Variants in TPO observed in about 807,000 individuals in gnomAD.
TPO encodes thyroid microsomal antigen.
In TPO, 78 loss-of-function variants were observed where a neutral mutation model predicts 96.9. That is an observed-to-expected ratio of 0.81 (90% CI 0.67 to 0.97). The LOEUF is 0.97. Among genes scored for constraint, TPO ranks in the 50% least tolerant of loss-of-function variants. TPO has a pLI of 0.00. For missense variants in TPO, 1,252 were observed against 1,274.8 expected (o/e 0.98, Z 0.27); for synonymous variants, 547 against 538.0 (o/e 1.02, Z -0.23).
At chr2:1,401,785 A>G (rs998399564) in intron 1 of TPO, among the ~76,000 whole-genome samples, 1 of 152,216 alleles carries the variant, frequency 6.6e-6, no homozygotes, top group Non-Finnish European at 1.5e-5. Context: ...AGGAAACTCT[A>G]GCCTGCAAAG....
intron 14 of TPO, among the ~76,000 whole-genome samples, chr2:1,510,786 G>A (rs1425776763): frequency 6.6e-6 from 1 of 152,116 alleles, no homozygotes; most frequent in Non-Finnish European, 1.5e-5. Context: ...CAGGTGCCCA[G>A]GGCTTCTCCT....
chr2:1,515,454 G>C (rs1259113455), intron 14 of TPO, among the ~76,000 whole-genome samples: 1 of 152,246 alleles, frequency 6.6e-6, no homozygotes, highest in Non-Finnish European at 1.5e-5. Context: ...GAAAAGTCAT[G>C]AGGTGCAAAG....
rs59667255 is a variant in TPO, at chr2:1,489,650, C to CTGAATGAATGAATGAATGAATGAA, written c.1768+1670_1768+1693dup. ...AGAACAGGCACTTAGGGAACCCTCA[C>CTGAATGAATGAATGAATGAATGAA]TGAATGAATGAATGAATGAATGAAT... is the stretch of plus-strand genomic sequence containing the variant. On this transcript the variant is annotated intron_variant, in intron 10 of 16. Coordinates refer to ENST00000329066, the MANE Select transcript of TPO (RefSeq NM_001206744.2). 7.3e-5 allele frequency among the ~76,000 whole-genome samples: 11 copies of CTGAATGAATGAATGAATGAATGAA among 150,404 alleles called. No individual in the cohort carries two copies. The South Asian group carries it at 1.1e-3, about 15-fold the overall frequency.
At chr2:1,377,590 G>GT (rs1661741096) in intron 1 of TPO, among the ~76,000 whole-genome samples, 1 of 152,234 alleles carries the variant, frequency 6.6e-6, no homozygotes, top group African/African-American at 2.4e-5. Flanking sequence ...GGACCAGGCT[G>GT]TGAGTCTGCC....
At chr2:1,430,532 G>T (rs557473018) in intron 3 of TPO, among the ~76,000 whole-genome samples, 1 of 152,324 alleles carries the variant, frequency 6.6e-6, no homozygotes, top group Admixed American at 6.5e-5. Flanking sequence ...ATGGAGCTGT[G>T]GGAAGGGGGC....
chr2:1,542,743 TGAACCCTGGAAACACCAC>T lies in TPO; in HGVS notation c.*270_*287del. 1.0e-6 allele frequency: 1 copy of T among 989,232 alleles called. No individual in the cohort carries two copies. Among genetic ancestry groups the T allele is most frequent in the Middle Eastern group, 2.4e-4 (1 of 4,112 alleles). The allele number at this position is 989,232 out of a possible 1,614,324, so 61.3% of individuals were successfully genotyped here. ...TTACAGATTACACATCTTTATTTTG[TGAACCCTGGAAACACCAC>T]TCTTGCAATCCTCCTGTCTCCACCT... On this transcript the variant is annotated 3_prime_UTR_variant, in exon 17 of 17. Coordinates refer to ENST00000329066, the MANE Select transcript of TPO (RefSeq NM_001206744.2).
intron 15 of TPO, among the ~76,000 whole-genome samples, chr2:1,537,584 AAAT>A (rs1680103213): frequency 1.6e-5 from 1 of 61,436 alleles, no homozygotes; most frequent in Non-Finnish European, 3.0e-5. Context: ...CAACACCCCC[AAAT>A]CCCCCCATTG....
intron 15 of TPO, among the ~76,000 whole-genome samples, chr2:1,519,494 T>C (rs374927715): frequency 1.3e-5 from 2 of 152,192 alleles, no homozygotes; most frequent in Admixed American, 1.3e-4. Flanking sequence ...TACTGATCTG[T>C]TTTGGAAAGA....
intron 14 of TPO, among the ~76,000 whole-genome samples, chr2:1,508,578 A>G (rs929152454): frequency 1.3e-5 from 2 of 152,212 alleles, no homozygotes; most frequent in African/African-American, 4.8e-5. Context: ...TTATTGGTCT[A>G]TTCAGAGATT....
At chr2:1,518,607 C>T (rs573240024) in intron 15 of TPO, among the ~76,000 whole-genome samples, 27 of 152,178 alleles carry the variant, frequency 1.8e-4, no homozygotes, top group Admixed American at 1.1e-3. Context: ...ATGATCTATC[C>T]GGCATATGAT....
intron 15 of TPO, among the ~76,000 whole-genome samples, chr2:1,537,474 ATT>A (rs1680046540): frequency 8.6e-6 from 1 of 116,442 alleles, no homozygotes. Flanking sequence ...ACCTCCTCAA[ATT>A]CTTCCACTCT....
chr2:1,491,200 AT>A (rs1671742467), intron 10 of TPO, among the ~76,000 whole-genome samples: 1 of 150,926 alleles, frequency 6.6e-6, no homozygotes, highest in African/African-American at 2.4e-5. Context: ...TTTTTTTTGC[AT>A]TCCCGTTTCT....
chr2:1,517,438 A>G (rs761856246), intron 15 of TPO, among the ~76,000 whole-genome samples: 4 of 152,082 alleles, frequency 2.6e-5, no homozygotes, highest in Non-Finnish European at 5.9e-5. Context: ...AAAGACTCAG[A>G]CCCGCACCTG....
At chr2:1,400,255 G>A (rs1662146502) in intron 1 of TPO, among the ~76,000 whole-genome samples, 1 of 152,188 alleles carries the variant, frequency 6.6e-6, no homozygotes, top group African/African-American at 2.4e-5. Flanking sequence ...CACTTTGGGA[G>A]GCCGAAGCAG....
In TPO at chr2:1,542,556, G is replaced by GT. The variant is rs1314763656; in HGVS notation, c.*82_*83insT. 6.3e-7 allele frequency: 1 copy of GT among 1,591,450 alleles called. No homozygotes were observed. The highest frequency in any genetic ancestry group is 1.8e-5 in the Admixed American group (1 of 55,980). On this transcript the variant is annotated 3_prime_UTR_variant, in exon 17 of 17. Transcript: ENST00000329066. The stretch of plus-strand genomic sequence containing the variant: ...CTCTTTTCCAAACACAGGCAAATCC[G>GT]AAATCAGCAGGACGACTGTTTTCCC...
At chr2:1,536,970 CCCCCAA>C (rs1679828756) in intron 15 of TPO, among the ~76,000 whole-genome samples, 4 of 91,374 alleles carry the variant, frequency 4.4e-5, no homozygotes, top group East Asian at 4.2e-4. Flanking sequence ...TGTGTGCAAC[CCCCCAA>C]TCTCCCCCAC....
chr2:1,437,163 G>C (rs1190726726), intron 5 of TPO, among the ~76,000 whole-genome samples: 4 of 152,226 alleles, frequency 2.6e-5, no homozygotes, highest in East Asian at 1.9e-4. Flanking sequence ...AGAGAAGAGG[G>C]CTTTGCAAAG....
At chr2:1,527,247 A>C (rs1454423028) in intron 15 of TPO, among the ~76,000 whole-genome samples, 1 of 82,056 alleles carries the variant, frequency 1.2e-5, no homozygotes, top group African/African-American at 5.3e-5. Flanking sequence ...CACTGTGTGC[A>C]ACCTCCCCAA....
At chr2:1,492,236 C>T (rs1157157548) in intron 10 of TPO, among the ~76,000 whole-genome samples, 1 of 152,124 alleles carries the variant, frequency 6.6e-6, no homozygotes, top group Admixed American at 6.6e-5. Flanking sequence ...CTCACGGCAA[C>T]CTCCGTCTCC....
Sources: allele counts gnomAD v4.1 joint callset (sites outside exome capture counted in the v4.1 genomes callset), GRCh38; gene constraint gnomAD v4.1.1; transcripts MANE v1.5; gene names NCBI Gene and HGNC (gene_info 2026-07-23, HGNC 2026-07-21).